SDSL: variants seen among roughly 807,000 people sequenced by gnomAD.
The protein encoded by SDSL is serine dehydratase-like.
SDSL carries 26 observed loss-of-function variants against 27.6 expected under a neutral mutation model. The ratio of observed to expected loss-of-function variants is 0.94; its 90% confidence interval spans 0.69 to 1.31. The LOEUF is 1.31. Ranked by LOEUF, SDSL falls within the 50% of genes most tolerant of loss-of-function variation. The pLI is 0.00. For missense variants in SDSL, 431 were observed against 423.5 expected, an observed-to-expected ratio of 1.02 and a Z score of -0.16; for synonymous variants, 196 against 180.6, an observed-to-expected ratio of 1.09 and a Z score of -0.69.
chr12:113,430,993 A>G (rs1426668898), intron 4 of SDSL, among the ~76,000 whole-genome samples: 1 of 152,234 alleles, frequency 6.6e-6, no homozygotes, highest in African/African-American at 2.4e-5. Context: ...GGTCAAACCA[A>G]TGGGCTGTGC....
chr12:113,426,020 C>A (rs1188577218), intron 1 of SDSL: 3 of 386,532 alleles, frequency 7.8e-6, no homozygotes, highest in Non-Finnish European at 1.6e-5. Context: ...ACCACCACCA[C>A]CTCCACCACC....
chr12:113,436,857 G>T lies in SDSL; in HGVS notation c.778G>T (p.Ala260Ser), dbSNP rs543161562. 5.0e-6 allele frequency: 8 copies of T among 1,608,140 alleles called. No homozygotes were observed. The Admixed American group carries it at 1.3e-4, about 27-fold the overall frequency. ...EVVEDTEAVSAVQQLLDDERM... is the reference protein window; with the variant it reads ...EVVEDTEAVSSVQQLLDDERM... ...GGTGGAGGACACCGAGGCTGTGAGCGCTGTGCAGCAGCTCCTGGGTGAGTG... is the reference window on the plus strand; with the variant it reads ...GGTGGAGGACACCGAGGCTGTGAGCTCTGTGCAGCAGCTCCTGGGTGAGTG... The change falls in exon 7 of 8, where the codon GCT (alanine) becomes TCT (serine). Residue 260 changes from alanine to serine, a missense_variant. Physicochemically the swap from Ala to Ser is moderately conservative, Grantham distance 99. Coordinates refer to ENST00000403593, the MANE Select transcript of SDSL (RefSeq NM_001304993.2).
At chr12:113,426,299 C>CAGA in intron 1 of SDSL, 1 of 455,292 alleles carries the variant, frequency 2.2e-6, no homozygotes, top group Non-Finnish European at 4.4e-6. Flanking sequence ...CAAGAACGTA[C>CAGA]AGATGGAGGC....
intron 7 of SDSL, 109 bp from the exon 8 acceptor site, chr12:113,437,777 C>A: frequency 2.0e-6 from 2 of 994,586 alleles, no homozygotes; most frequent in Non-Finnish European, 3.0e-6. Context: ...AGATGAATGG[C>A]TGACTGGCTG....
At chr12:113,437,683 G>C (rs1305889689) in intron 7 of SDSL, among the ~76,000 whole-genome samples, 1 of 152,184 alleles carries the variant, frequency 6.6e-6, no homozygotes, top group East Asian at 1.9e-4. Context: ...TGGATAGAGA[G>C]ATAAAAGGTG....
At chr12:113,437,428 T>A (rs1460659959) in intron 7 of SDSL, among the ~76,000 whole-genome samples, 1 of 152,138 alleles carries the variant, frequency 6.6e-6, no homozygotes, top group Non-Finnish European at 1.5e-5. Context: ...AATGGATAGA[T>A]GGACAGTGGA....
In SDSL at chr12:113,425,963, T is replaced by C. The variant is rs1057362716; in HGVS notation, c.-21-1999T>C. ...GAGATTGCACCACTGCACTCCAGCC[T>C]GGGCAAGAGCGAGACTCCCTTTCAA... On this transcript the variant is annotated intron_variant, in intron 1 of 7. Transcript: ENST00000403593. 8.1e-5 allele frequency: 30 copies of C among 370,436 alleles called. No homozygotes were observed. In the East Asian group the frequency reaches 2.1e-3, roughly 26 times the overall value. 22.9% of individuals were successfully genotyped at this position (370,436 alleles called of 1,614,324 possible). A position where few individuals can be genotyped will look rare whatever the true frequency, so the allele number is the denominator to read the frequency against.
At chr12:113,429,985 C>A (rs888626557) in intron 4 of SDSL, among the ~76,000 whole-genome samples, 1 of 145,250 alleles carries the variant, frequency 6.9e-6, no homozygotes, top group South Asian at 2.3e-4. Flanking sequence ...CTCCCTCCCT[C>A]CTTCCCTCCC....
intron 4 of SDSL, among the ~76,000 whole-genome samples, chr12:113,430,815 C>T (rs186771250): frequency 5.9e-5 from 9 of 152,318 alleles, no homozygotes; most frequent in Admixed American, 5.2e-4. Context: ...CACCTGTAGT[C>T]TCAGCTACTC....
intron 5 of SDSL, 97 bp downstream of exon 5, chr12:113,434,319 AG>A: frequency 1.1e-6 from 1 of 885,654 alleles, no homozygotes; most frequent in Non-Finnish European, 1.7e-6. Context: ...TGAGGCCCAG[AG>A]GGGAGAAGAG....
chr12:113,424,109 G>A (rs1197272078), intron 1 of SDSL, among the ~76,000 whole-genome samples: 3 of 152,044 alleles, frequency 2.0e-5, no homozygotes, highest in Admixed American at 6.6e-5. Context: ...CCGCAACCTC[G>A]CCTCTCAGGT....
intron 1 of SDSL, chr12:113,426,373 G>T: frequency 2.7e-6 from 1 of 368,366 alleles, no homozygotes; most frequent in Non-Finnish European, 5.6e-6. Context: ...GATTCAAACC[G>T]TGAAAAACCC....
Position 113,429,157 on chromosome 12 carries a change from CA to C in SDSL, c.215-2del, listed in dbSNP as rs750548966. 1.2e-6 allele frequency: 2 copies of C among 1,611,408 alleles called. No homozygotes were observed. The highest frequency in any genetic ancestry group is 2.2e-5 in the South Asian group (2 of 90,904). ...CACTGCCCCTTTCCTCCTTTCTGCACAGGGGGTAATGCGGGCATCGCTGCTG... is the reference window on the plus strand; with the variant it reads ...CACTGCCCCTTTCCTCCTTTCTGCACGGGGGTAATGCGGGCATCGCTGCTG... On this transcript the variant is annotated splice_acceptor_variant, in intron 3 of 7. Coordinates refer to ENST00000403593, the MANE Select transcript of SDSL (RefSeq NM_001304993.2). LOFTEE classifies it high-confidence loss of function.
At chr12:113,432,244 CTTTCTTTCTTTCTTTCTTTCTTTCTT>C (rs1565879058) in intron 4 of SDSL, among the ~76,000 whole-genome samples, 1 of 137,570 alleles carries the variant, frequency 7.3e-6, no homozygotes, top group African/African-American at 2.9e-5. Flanking sequence ...TTCTTTCTTT[CTTTCTTTCTTTCTTTCTTTCTTTCTT>C]TCTTTCTTTC....
At chr12:113,429,096 G>A in intron 3 of SDSL, 64 bp from the exon 4 acceptor site, 2 of 1,560,186 alleles carry the variant, frequency 1.3e-6, no homozygotes, top group Non-Finnish European at 1.7e-6. Flanking sequence ...TATGGAGGGG[G>A]AGGGGAAGGC....
chr12:113,424,608 G>A (rs1957826952), intron 1 of SDSL, among the ~76,000 whole-genome samples: 2 of 152,182 alleles, frequency 1.3e-5, no homozygotes, highest in African/African-American at 4.8e-5. Context: ...ACATGCTAAA[G>A]TAAGGGTAAG....
chr12:113,436,958 T>G, intron 7 of SDSL, 83 bp downstream of exon 7: 10 of 1,362,536 alleles, frequency 7.3e-6, no homozygotes, highest in Non-Finnish European at 9.6e-6. Context: ...CTGTCTTATC[T>G]GTATCCTCAG....
intron 5 of SDSL, among the ~76,000 whole-genome samples, chr12:113,435,045 G>T (rs1156369259): frequency 2.6e-5 from 4 of 152,236 alleles, no homozygotes; most frequent in African/African-American, 9.6e-5. Flanking sequence ...AATCCAGGAA[G>T]TGGAGGTTGT....
In SDSL at chr12:113,430,141, C is replaced by CCAT. The variant is rs1565878386; in HGVS notation, c.354+843_354+844insATC. Among the ~76,000 whole-genome samples, 489 of 126,018 alleles carry CCAT rather than the reference C, an allele frequency of 3.9e-3. 7 individuals are homozygous for CCAT. Among genetic ancestry groups the CCAT allele is most frequent in the African/African-American group, 0.018 (460 of 25,532 alleles). 82.7% of individuals were successfully genotyped at this position (126,018 alleles called of 152,430 possible). ...TTCCATCCATCCATCCATCCATCCACCCATCCATCCATCCATCAGATATTG... is the reference window on the plus strand; with the variant it reads ...TTCCATCCATCCATCCATCCATCCACCATCCATCCATCCATCCATCAGATATTG... On this transcript the variant is annotated intron_variant, in intron 4 of 7. Coordinates refer to ENST00000403593, the MANE Select transcript of SDSL (RefSeq NM_001304993.2).
Sources: gnomAD v4.1 joint callset for allele counts (sites outside exome capture counted in the v4.1 genomes callset) on GRCh38, gnomAD v4.1.1 for gene constraint, MANE v1.5 for transcripts, NCBI Gene and HGNC (gene_info 2026-07-23, HGNC 2026-07-21) for gene names.